The following GTF2F2 variants were observed in gnomAD, a reference collection of about 807,000 sequenced individuals.
GTF2F2 encodes ATP-dependent helicase GTF2F2.
A neutral mutation model predicts 42.2 loss-of-function variants in GTF2F2; 23 were observed. The observed-to-expected ratio is 0.55, with a 90% CI of 0.39 to 0.77. The LOEUF is 0.77. Ranked by LOEUF, GTF2F2 falls within the 30% of genes least tolerant of loss-of-function variation. The pLI is 0.00. For missense variants in GTF2F2, 261 were observed against 287.2 expected (o/e 0.91, Z 0.66); for synonymous variants, 105 against 100.8 (o/e 1.04, Z -0.25).
At chr13:45,220,682 A>T (rs981531405) in intron 5 of GTF2F2, among the ~76,000 whole-genome samples, 2 of 151,980 alleles carry the variant, frequency 1.3e-5, no homozygotes, top group Non-Finnish European at 2.9e-5. Context: ...GAATACATAG[A>T]ATTGCCTGGT....
At chr13:45,183,403 G>A (rs1872256286) in intron 4 of GTF2F2, among the ~76,000 whole-genome samples, 1 of 152,126 alleles carries the variant, frequency 6.6e-6, no homozygotes, top group Non-Finnish European at 1.5e-5. Flanking sequence ...ATCCTCAGGG[G>A]GATCCAGAAT....
intron 5 of GTF2F2, among the ~76,000 whole-genome samples, chr13:45,248,601 G>A (rs1875747870): frequency 1.3e-5 from 2 of 152,208 alleles, no homozygotes; most frequent in African/African-American, 4.8e-5. Flanking sequence ...AGCCTCCTGA[G>A]TAGCTGGGAT....
intron 4 of GTF2F2, among the ~76,000 whole-genome samples, chr13:45,203,932 G>C (rs1469149523): frequency 6.6e-6 from 1 of 152,160 alleles, no homozygotes; most frequent in Non-Finnish European, 1.5e-5. Context: ...CCACTGGGCA[G>C]AGGGGTCCCC....
At chr13:45,204,678 G>A (rs1873345170) in intron 4 of GTF2F2, among the ~76,000 whole-genome samples, 1 of 152,190 alleles carries the variant, frequency 6.6e-6, no homozygotes, top group Non-Finnish European at 1.5e-5. Flanking sequence ...ATCATGCCTA[G>A]GGGGCTGCAT....
intron 1 of GTF2F2, among the ~76,000 whole-genome samples, chr13:45,121,427 A>G (rs1896834876): frequency 6.6e-6 from 1 of 151,948 alleles, no homozygotes; most frequent in Non-Finnish European, 1.5e-5. Context: ...GTGATCCTGA[A>G]AGTCGTTGAA....
chr13:45,193,941 TA>T, intron 4 of GTF2F2: 1 of 1,614,180 alleles, frequency 6.2e-7, no homozygotes, highest in Non-Finnish European at 8.5e-7. Context: ...CTTCCTTTAG[TA>T]CAAGTCGAGT....
chr13:45,281,662 C>T (rs961632562), intron 7 of GTF2F2, among the ~76,000 whole-genome samples: 1 of 152,192 alleles, frequency 6.6e-6, no homozygotes, highest in African/African-American at 2.4e-5. Flanking sequence ...TAACAAGCTC[C>T]CCACAGGGTT....
chr13:45,154,907 C>T (rs2138124305), intron 4 of GTF2F2, among the ~76,000 whole-genome samples: 1 of 152,278 alleles, frequency 6.6e-6, no homozygotes, highest in Middle Eastern at 3.4e-3. Context: ...CAATTGCCTG[C>T]ATGACCAAGA....
chr13:45,214,440 TC>T (rs1195230032), intron 5 of GTF2F2, among the ~76,000 whole-genome samples: 4 of 152,120 alleles, frequency 2.6e-5, no homozygotes, highest in African/African-American at 9.7e-5. Flanking sequence ...TAATAAAAAA[TC>T]CTGCAAGACT....
At chr13:45,232,738 C>T (rs1046249105) in intron 5 of GTF2F2, among the ~76,000 whole-genome samples, 1 of 152,228 alleles carries the variant, frequency 6.6e-6, no homozygotes, top group Non-Finnish European at 1.5e-5. Flanking sequence ...TTACCTCATT[C>T]CCTTCTACCC....
rs1002908813 is a variant in GTF2F2, at chr13:45,283,662, A to T, written c.*101A>T. 1 of 918,912 alleles carries T rather than the reference A, an allele frequency of 1.1e-6. No individual in the cohort carries two copies. Among genetic ancestry groups the T allele is most frequent in the African/African-American group, 1.7e-5 (1 of 58,502 alleles). 56.9% of individuals were successfully genotyped at this position (918,912 alleles called of 1,614,324 possible). ...GAACACCGTATGTTAATAGGGGTTAAGTGACAGTACTTTGATTTCTCTCGG... is the reference window on the plus strand; with the variant it reads ...GAACACCGTATGTTAATAGGGGTTATGTGACAGTACTTTGATTTCTCTCGG... On this transcript the variant is annotated 3_prime_UTR_variant, in exon 8 of 8. Coordinates refer to ENST00000340473, the MANE Select transcript of GTF2F2 (RefSeq NM_004128.3).
chr13:45,221,768 C>T (rs1257333942), intron 5 of GTF2F2, among the ~76,000 whole-genome samples: 1 of 152,156 alleles, frequency 6.6e-6, no homozygotes, highest in Non-Finnish European at 1.5e-5. Context: ...ATCATCTGGC[C>T]TTCAGAACTT....
intron 7 of GTF2F2, among the ~76,000 whole-genome samples, chr13:45,276,439 C>CTTTT: frequency 6.9e-6 from 1 of 144,254 alleles, no homozygotes; most frequent in African/African-American, 2.5e-5. Context: ...AACTGCTAGA[C>CTTTT]TTTTTTTTTT....
At chr13:45,192,625 A>G (rs946001184) in intron 4 of GTF2F2, among the ~76,000 whole-genome samples, 3 of 152,288 alleles carry the variant, frequency 2.0e-5, no homozygotes, top group Admixed American at 2.0e-4. Context: ...GGGAAAATAC[A>G]CTCATTTAAA....
At chr13:45,235,005 A>G (rs904342101) in intron 5 of GTF2F2, among the ~76,000 whole-genome samples, 1 of 129,256 alleles carries the variant, frequency 7.7e-6, no homozygotes, top group Non-Finnish European at 1.6e-5. Context: ...AGATTGTGCC[A>G]TTGCACTCCA....
chr13:45,217,291 C>T (rs1873934806), intron 5 of GTF2F2, among the ~76,000 whole-genome samples: 2 of 127,110 alleles, frequency 1.6e-5, no homozygotes, highest in South Asian at 4.8e-4. Context: ...GAGCGAGACT[C>T]CATCTCAAAA....
intron 2 of GTF2F2, among the ~76,000 whole-genome samples, chr13:45,139,936 T>C (rs991887365): frequency 6.6e-6 from 1 of 152,204 alleles, no homozygotes; most frequent in Non-Finnish European, 1.5e-5. Flanking sequence ...AATGGCACAG[T>C]ATTTACGTAT....
chr13:45,150,421 A>G (rs997230071), intron 3 of GTF2F2, among the ~76,000 whole-genome samples: 1 of 152,228 alleles, frequency 6.6e-6, no homozygotes, highest in Non-Finnish European at 1.5e-5. Flanking sequence ...ATTAAGACAT[A>G]CAAAATAAAT....
At chr13:45,177,162 T>TG (rs1286105055) in intron 4 of GTF2F2, among the ~76,000 whole-genome samples, 4 of 151,740 alleles carry the variant, frequency 2.6e-5, no homozygotes, top group African/African-American at 9.7e-5. Flanking sequence ...GAGAATGATG[T>TG]ATTTTTTTTT....
Sources: allele counts gnomAD v4.1 joint callset (sites outside exome capture counted in the v4.1 genomes callset), GRCh38; gene constraint gnomAD v4.1.1; transcripts MANE v1.5; gene names NCBI Gene and HGNC (gene_info 2026-07-23, HGNC 2026-07-21).